Variants in PDE4B observed in about 807,000 individuals in gnomAD.
PDE4B encodes phosphodiesterase 4B.
Under a neutral mutation model 82.2 loss-of-function variants are expected in PDE4B, and 20 were observed. That is an observed-to-expected ratio of 0.24 (90% confidence interval 0.17 to 0.35). The LOEUF (loss-of-function observed/expected upper bound fraction) is 0.35, where lower values mean the gene tolerates loss of function less well. PDE4B is among the 10% of genes least tolerant of loss of function. PDE4B has a pLI of 1.00. For missense variants in PDE4B, 655 were observed against 907.2 expected (o/e 0.72, Z 3.57); for synonymous variants, 320 against 318.9 (o/e 1.00, Z -0.04).
chr1:66,003,186 C>G (rs968809364), intron 3 of PDE4B, among the ~76,000 whole-genome samples: 3 of 151,932 alleles, frequency 2.0e-5, no homozygotes, highest in Admixed American at 6.6e-5. Flanking sequence ...ATTCAGTATA[C>G]TAAGAAACAA....
At chr1:66,227,085 T>C (rs1165213541) in intron 3 of PDE4B, among the ~76,000 whole-genome samples, 1 of 152,194 alleles carries the variant, frequency 6.6e-6, no homozygotes, top group African/African-American at 2.4e-5. Flanking sequence ...GTGTCATTGA[T>C]TGAGAAGGGA....
intron 3 of PDE4B, among the ~76,000 whole-genome samples, chr1:66,185,286 T>A (rs1038684224): frequency 3.9e-5 from 6 of 152,252 alleles, no homozygotes; most frequent in Non-Finnish European, 7.3e-5. Context: ...TTGTGAATAG[T>A]GCCGCAATAA....
chr1:66,372,732 T>C lies in PDE4B; in HGVS notation c.*54T>C. Reference sequence around the variant, plus strand: ...CTATCCTTGATGAGCATGCCAGCTATGTGGTAGGGCCAGCCCACCATGGGG... The same window carrying C: ...CTATCCTTGATGAGCATGCCAGCTACGTGGTAGGGCCAGCCCACCATGGGG... On this transcript the variant is annotated 3_prime_UTR_variant, in exon 17 of 17. Transcript: ENST00000341517. 2 of 1,560,904 alleles carry C rather than the reference T, an allele frequency of 1.3e-6. No individual in the cohort carries two copies. Among genetic ancestry groups the C allele is most frequent in the Admixed American group, 1.8e-5 (1 of 55,910 alleles).
intron 3 of PDE4B, among the ~76,000 whole-genome samples, chr1:66,228,492 T>C (rs529338283): frequency 2.6e-4 from 40 of 152,036 alleles, no homozygotes; most frequent in Non-Finnish European, 4.9e-4. Context: ...GACATGGTGG[T>C]GGGCGCCTGT....
chr1:65,884,193 C>T lies in PDE4B; in HGVS notation c.-70-29052C>T, dbSNP rs371767287. 1.7e-4 allele frequency among the ~76,000 whole-genome samples: 26 copies of T among 152,138 alleles called. No individual in the cohort carries two copies. In the East Asian group the frequency reaches 3.7e-3, roughly 21 times the overall value. Reference sequence around the variant, plus strand: ...TCATAAAATGAGTTAGGGAGGATTCCCTCGTTTTCTATTGATTGGAATAGT... The same window carrying T: ...TCATAAAATGAGTTAGGGAGGATTCTCTCGTTTTCTATTGATTGGAATAGT... On this transcript the variant is annotated intron_variant, in intron 1 of 16. Coordinates refer to ENST00000341517, the MANE Select transcript of PDE4B (RefSeq NM_002600.4).
chr1:66,056,177 G>A lies in PDE4B; in HGVS notation c.281+137342G>A, dbSNP rs191316691. On this transcript the variant is annotated intron_variant, in intron 3 of 16. Coordinates refer to ENST00000341517, the MANE Select transcript of PDE4B (RefSeq NM_002600.4). ...CTCTGGAGGCAATAAGAAATAGCTG[G>A]GAAAAATAGATGAAATGTTTCATTT... Among the ~76,000 whole-genome samples, 8 of 152,164 alleles carry A rather than the reference G, an allele frequency of 5.3e-5. No individual in the cohort carries two copies. In the East Asian group the frequency reaches 1.2e-3, roughly 22 times the overall value.
chr1:66,273,125 A>G (rs899453167), intron 7 of PDE4B, among the ~76,000 whole-genome samples: 8 of 152,108 alleles, frequency 5.3e-5, no homozygotes, highest in Non-Finnish European at 8.8e-5. Context: ...CCTTCAAGAT[A>G]AGACCTAAAT....
chr1:66,322,233 A>G (rs760683779), intron 7 of PDE4B, among the ~76,000 whole-genome samples: 1 of 151,876 alleles, frequency 6.6e-6, no homozygotes, highest in South Asian at 2.1e-4. Flanking sequence ...AAGAAAACCT[A>G]GGCATTCAGG....
At chr1:66,142,840 C>T (rs932905342) in intron 3 of PDE4B, among the ~76,000 whole-genome samples, 2 of 152,106 alleles carry the variant, frequency 1.3e-5, no homozygotes, top group Non-Finnish European at 2.9e-5. Flanking sequence ...AAAAGTTAGT[C>T]AGAAAGAACA....
chr1:66,055,239 G>A (rs1431922806), intron 3 of PDE4B, among the ~76,000 whole-genome samples: 2 of 152,182 alleles, frequency 1.3e-5, no homozygotes, highest in Non-Finnish European at 2.9e-5. Flanking sequence ...GGCACATGGT[G>A]CTTAATTGTA....
chr1:65,892,335 A>G (rs1341837063), intron 1 of PDE4B, among the ~76,000 whole-genome samples: 1 of 152,048 alleles, frequency 6.6e-6, no homozygotes, highest in Non-Finnish European at 1.5e-5. Flanking sequence ...CACAACTTAA[A>G]TATTTTGACA....
intron 3 of PDE4B, among the ~76,000 whole-genome samples, chr1:65,946,059 C>T (rs1648694905): frequency 6.6e-6 from 1 of 152,036 alleles, no homozygotes; most frequent in African/African-American, 2.4e-5. Flanking sequence ...TACACCCACA[C>T]ACTGAGTTGA....
intron 3 of PDE4B, among the ~76,000 whole-genome samples, chr1:66,002,395 G>C (rs1651915102): frequency 6.6e-6 from 1 of 151,894 alleles, no homozygotes; most frequent in African/African-American, 2.4e-5. Flanking sequence ...TGTAGCACCG[G>C]TTTAAAAAAG....
In PDE4B at chr1:66,166,769, C is replaced by T. The variant is rs115399916; in HGVS notation, c.282-80691C>T. On this transcript the variant is annotated intron_variant, in intron 3 of 16. Transcript: ENST00000341517. ...AAAAAAAAGTGAAAGGACAACCCAC[C>T]GAATGGGAGAAAATATTTGTTAATC... Among the ~76,000 whole-genome samples the T allele has an allele frequency of 5.7e-3, 869 of 151,438 alleles. 7 individuals are homozygous for T. The highest frequency in any genetic ancestry group is 0.02 in the African/African-American group (821 of 41,256).
intron 8 of PDE4B, among the ~76,000 whole-genome samples, chr1:66,350,139 C>T (rs916680959): frequency 6.6e-6 from 1 of 152,076 alleles, no homozygotes; most frequent in South Asian, 2.1e-4. Context: ...TTTTCAGCCC[C>T]TTCACTTTCC....
At chr1:66,204,490 C>G (rs1374777051) in intron 3 of PDE4B, among the ~76,000 whole-genome samples, 1 of 152,264 alleles carries the variant, frequency 6.6e-6, no homozygotes, top group Non-Finnish European at 1.5e-5. Context: ...CTGTGGTGGG[C>G]TCCACCCAGT....
chr1:66,133,294 C>T (rs1254667159), intron 3 of PDE4B, among the ~76,000 whole-genome samples: 2 of 152,134 alleles, frequency 1.3e-5, no homozygotes, highest in African/African-American at 4.8e-5. Context: ...ATATTAGAGA[C>T]AGCTTTGGGT....
At chr1:65,844,232 T>G (rs116222435) in intron 1 of PDE4B, among the ~76,000 whole-genome samples, 1,698 of 152,306 alleles carry the variant, frequency 0.011, 36 homozygotes, top group African/African-American at 0.039. Flanking sequence ...TATTAGGTAT[T>G]CATGATTGTA....
intron 3 of PDE4B, among the ~76,000 whole-genome samples, chr1:66,124,129 T>C (rs1645771003): frequency 2.0e-5 from 3 of 152,208 alleles, no homozygotes; most frequent in South Asian, 2.1e-4. Flanking sequence ...TGGATTTGTC[T>C]CATGAGAGGC....
Sources: gnomAD v4.1 joint callset for allele counts (sites outside exome capture counted in the v4.1 genomes callset) on GRCh38, gnomAD v4.1.1 for gene constraint, MANE v1.5 for transcripts, NCBI Gene and HGNC (gene_info 2026-07-23, HGNC 2026-07-21) for gene names.